The following FBXO16 variants were observed in gnomAD, a reference collection of about 807,000 sequenced individuals.
FBXO16 encodes F-box protein 16.
Under a neutral mutation model 41.0 loss-of-function variants are expected in FBXO16, and 31 were observed. That is an observed-to-expected ratio of 0.76 (90% CI 0.57 to 1.02). The LOEUF (loss-of-function observed/expected upper bound fraction) is 1.02, where lower values mean the gene tolerates loss of function less well. Among genes scored for constraint, FBXO16 ranks in the 50% least tolerant of loss-of-function variants. The pLI is 0.00. For synonymous variants in FBXO16, 133 were observed against 117.8 expected (o/e 1.13, Z -0.84); for missense variants, 361 against 346.2 (o/e 1.04, Z -0.34).
At chr8:28,452,724 C>T (rs1733907152) in intron 5 of FBXO16, among the ~76,000 whole-genome samples, 1 of 152,024 alleles carries the variant, frequency 6.6e-6, no homozygotes, top group African/African-American at 2.4e-5. Flanking sequence ...TCACTTAAAC[C>T]TGGAAGGCGG....
At chr8:28,475,907 G>A (rs1803415909) in intron 2 of FBXO16, among the ~76,000 whole-genome samples, 1 of 152,184 alleles carries the variant, frequency 6.6e-6, no homozygotes, top group African/African-American at 2.4e-5. Context: ...AGGATAAGCA[G>A]AGGACCAAAG....
intron 1 of FBXO16, among the ~76,000 whole-genome samples, chr8:28,489,716 C>CAA (rs1554529611): frequency 1.9e-4 from 17 of 88,400 alleles, no homozygotes; most frequent in South Asian, 7.1e-4. Context: ...CAAAAACCAA[C>CAA]AAAAAAAAAA....
intron 7 of FBXO16, among the ~76,000 whole-genome samples, chr8:28,437,104 T>C (rs1335979866): frequency 6.6e-6 from 1 of 152,248 alleles, no homozygotes; most frequent in Non-Finnish European, 1.5e-5. Flanking sequence ...AAGCATGTTA[T>C]AACAAATACG....
At chr8:28,458,322 G>A (rs1272344819) in intron 4 of FBXO16, among the ~76,000 whole-genome samples, 1 of 152,156 alleles carries the variant, frequency 6.6e-6, no homozygotes, top group Non-Finnish European at 1.5e-5. Flanking sequence ...ATAGATTCAG[G>A]AAAGGTTAGG....
At chr8:28,456,743 G>A (rs994625962) in intron 5 of FBXO16, 23 bp downstream of exon 5, 6 of 1,610,790 alleles carry the variant, frequency 3.7e-6, no homozygotes, top group African/African-American at 2.7e-5. Context: ...TTGCAAGCTT[G>A]TGGCTTTCTG....
intron 5 of FBXO16, 127 bp downstream of exon 5, chr8:28,456,639 G>A: frequency 1.6e-5 from 17 of 1,071,762 alleles, no homozygotes; most frequent in Non-Finnish European, 2.1e-5. Flanking sequence ...GGAGAATTTT[G>A]AAATCATAGT....
chr8:28,458,124 A>AT (rs1428230189), intron 4 of FBXO16, among the ~76,000 whole-genome samples: 2 of 152,212 alleles, frequency 1.3e-5, no homozygotes, highest in Non-Finnish European at 2.9e-5. Flanking sequence ...ATAATTAATA[A>AT]TTTTTGAGTG....
chr8:28,458,790 G>C (rs969859887), intron 4 of FBXO16, among the ~76,000 whole-genome samples: 1 of 151,840 alleles, frequency 6.6e-6, no homozygotes, highest in African/African-American at 2.4e-5. Flanking sequence ...TACTTAAGTT[G>C]TTCTTCTTCC....
intron 7 of FBXO16, among the ~76,000 whole-genome samples, chr8:28,440,079 T>C (rs1257405779): frequency 1.4e-5 from 2 of 145,426 alleles, no homozygotes; most frequent in Admixed American, 1.4e-4. Flanking sequence ...TGGGGCCCCA[T>C]AGCAAACTCT....
intron 3 of FBXO16, among the ~76,000 whole-genome samples, chr8:28,468,018 TC>T (rs1442905042): frequency 6.6e-6 from 1 of 152,138 alleles, no homozygotes; most frequent in Admixed American, 6.5e-5. Flanking sequence ...TAGGGGAAAA[TC>T]CCTCTACAAT....
At chr8:28,474,357 A>AGC (rs1803389138) in intron 2 of FBXO16, among the ~76,000 whole-genome samples, 2 of 133,426 alleles carry the variant, frequency 1.5e-5, no homozygotes, top group South Asian at 2.5e-4. Context: ...AAAAAAAGAG[A>AGC]GAGAAAGAAG....
At chr8:28,451,241 TG>T (rs1802947325) in intron 6 of FBXO16, among the ~76,000 whole-genome samples, 2 of 152,206 alleles carry the variant, frequency 1.3e-5, no homozygotes, top group South Asian at 4.1e-4. Flanking sequence ...CTTAAGATAT[TG>T]TACTAGAGCC....
intron 4 of FBXO16, among the ~76,000 whole-genome samples, chr8:28,462,277 C>T (rs201155489): frequency 3.7e-5 from 5 of 133,544 alleles, no homozygotes; most frequent in East Asian, 2.2e-4. Context: ...TCTTCTTCTT[C>T]TTTTTTTTTT....
At chr8:28,483,508 A>G (rs1803550294) in intron 1 of FBXO16, 46 bp from the exon 2 acceptor site, 1 of 1,454,776 alleles carries the variant, frequency 6.9e-7, no homozygotes, top group African/African-American at 1.4e-5. Flanking sequence ...GAATCATATA[A>G]CCCTCAGAAA....
At chr8:28,466,774 CG>C (rs1368500040) in intron 3 of FBXO16, among the ~76,000 whole-genome samples, 1 of 152,052 alleles carries the variant, frequency 6.6e-6, no homozygotes, top group Non-Finnish European at 1.5e-5. Context: ...GTTGGCTTGA[CG>C]GGAGTTGTGG....
intron 2 of FBXO16, 80 bp from the exon 3 acceptor site, chr8:28,473,887 G>T: frequency 9.6e-7 from 1 of 1,042,324 alleles, no homozygotes; most frequent in East Asian, 2.5e-5. Context: ...ACCATTAAGG[G>T]ATCGGTGAAT....
chr8:28,490,128 C>T (rs979680363), intron 1 of FBXO16, 58 bp downstream of exon 1: 1 of 152,182 alleles, frequency 6.6e-6, no homozygotes, highest in Non-Finnish European at 1.5e-5. Flanking sequence ...ATGGGAGGCC[C>T]TGGAGCTTTC....
At chr8:28,444,618 C>T (rs921411256) in intron 7 of FBXO16, among the ~76,000 whole-genome samples, 43 of 150,118 alleles carry the variant, frequency 2.9e-4, no homozygotes, top group African/African-American at 1.0e-3. Context: ...GCTTGGACTA[C>T]AAGCACCCGC....
intron 4 of FBXO16, among the ~76,000 whole-genome samples, chr8:28,460,445 T>TTTTTG (rs371229894): frequency 1.1e-4 from 15 of 135,650 alleles, no homozygotes; most frequent in African/African-American, 4.7e-4. Context: ...TTTTTTTTTT[T>TTTTTG]GAGACAGCGT....
Sources: gnomAD v4.1 joint callset for allele counts (sites outside exome capture counted in the v4.1 genomes callset) on GRCh38, gnomAD v4.1.1 for gene constraint, MANE v1.5 for transcripts, NCBI Gene and HGNC (gene_info 2026-07-23, HGNC 2026-07-21) for gene names.